The following SZT2 variants were observed in gnomAD, a reference collection of about 807,000 sequenced individuals.
SZT2 encodes KICSTOR complex protein SZT2.
Under a neutral mutation model 404.2 loss-of-function variants are expected in SZT2, and 216 were observed. The observed-to-expected ratio is 0.53, with a 90% CI of 0.48 to 0.60. SZT2 has a LOEUF of 0.60. Among genes scored for constraint, SZT2 ranks in the 20% least tolerant of loss-of-function variants. SZT2 has a pLI of 0.00. For synonymous variants in SZT2, 1,693 were observed against 1,749.9 expected (o/e 0.97, Z 0.81); for missense variants, 3,857 against 4,459.2 (o/e 0.86, Z 3.85).
At position 43,427,581 on chromosome 1, in the gene SZT2, A is replaced by G. The variant is rs758316487; in HGVS notation, c.3650A>G (p.Gln1217Arg). The change falls in exon 26 of 72, where the codon CAG (glutamine) becomes CGG (arginine). Residue 1217 changes from glutamine to arginine, a missense_variant. Gln to Arg is a conservative substitution (Grantham distance 43). Around this residue, in one of 7 missense-constraint regions of SZT2, gnomAD observed 1,725 missense variants for 1,881.0 expected, o/e 0.92. Coordinates refer to ENST00000634258, the MANE Select transcript of SZT2 (RefSeq NM_001365999.1). The stretch of plus-strand genomic sequence containing the variant: ...AGTCCACCATTCCGTCGAGACTTAC[A>G]GGCTTACGCTGGGCGTCAGGCTTCC... ...ELSPPFRRDLQAYAGRQASQT... is the reference protein window; with the variant it reads ...ELSPPFRRDLRAYAGRQASQT... 11 of 1,614,246 alleles carry G rather than the reference A, an allele frequency of 6.8e-6. No homozygotes were observed. The highest frequency in any genetic ancestry group is 9.3e-6 in the Non-Finnish European group (11 of 1,180,042).
rs142245402 is a variant in SZT2, at chr1:43,430,347, A to G, written c.4438A>G (p.Ser1480Gly). 2.1e-5 allele frequency: 34 copies of G among 1,610,350 alleles called. No individual in the cohort carries two copies. Among genetic ancestry groups the G allele is most frequent in the Non-Finnish European group, 2.7e-5 (32 of 1,179,046 alleles). ...GPRDTVDRKISDLEFSEAELM... is the reference protein window; with the variant it reads ...GPRDTVDRKIGDLEFSEAELM... ...TCGGGACACAGTAGACAGAAAAATC[A>G]GTGACCTGGAGTTTTCAGAGGCTGA... Residue 1480 changes from serine to glycine, a missense_variant, in exon 31 of 72, where the codon AGT (serine) becomes GGT (glycine). Ser to Gly is a moderately conservative substitution (Grantham distance 56, BLOSUM62 0). Transcript: ENST00000634258.
chr1:43,398,539 CAT>C (rs1432259901), intron 1 of SZT2, among the ~76,000 whole-genome samples: 1 of 152,194 alleles, frequency 6.6e-6, no homozygotes, highest in Non-Finnish European at 1.5e-5. Context: ...ATAGTCAACA[CAT>C]AATATCCCAC....
rs764167681 is a variant in SZT2, at chr1:43,447,959, G to A, written c.9551G>A (p.Arg3184Gln). 5.0e-6 allele frequency: 8 copies of A among 1,613,786 alleles called. No individual in the cohort carries two copies. The highest frequency in any genetic ancestry group is 1.3e-5 in the African/African-American group (1 of 74,832). ...TTTGAGGAGCAAGGAGAGGCTGAGC[G>A]GCACGTTCTGCGGTCAGCAGATCCC... ...APFEEQGEAERHVLRLQFFVV... is the reference protein window; with the variant it reads ...APFEEQGEAEQHVLRLQFFVV... The change falls in exon 68 of 72, where the codon CGG (arginine) becomes CAG (glutamine). Residue 3184 changes from arginine to glutamine, a missense_variant. By Grantham distance (43) the Arg-to-Gln change is conservative (BLOSUM62 1). Coordinates refer to ENST00000634258, the MANE Select transcript of SZT2 (RefSeq NM_001365999.1).
chr1:43,427,243 C>A, intron 24 of SZT2, 38 bp from the exon 25 acceptor site: 1 of 1,604,498 alleles, frequency 6.2e-7, no homozygotes, highest in African/African-American at 1.3e-5. Flanking sequence ...CCTCACTGGC[C>A]CACCAGGCAG....
In SZT2 at chr1:43,437,001, C is replaced by T; in HGVS notation, c.6035-170C>T. On this transcript the variant is annotated intron_variant, in intron 42 of 71. Transcript: ENST00000634258. The surrounding 1 kb of genome is among the most constrained non-coding windows in gnomAD (Gnocchi z 5.3). ...GCTATATGACCTGTGTTCCTAAGGG[C>T]ATGCATCTGCCTGGCCCTGTCGTGT... 1.3e-6 allele frequency: 1 copy of T among 778,546 alleles called. No individual in the cohort carries two copies. Among genetic ancestry groups the T allele is most frequent in the South Asian group, 1.8e-5 (1 of 56,290 alleles). 48.2% of individuals were successfully genotyped at this position (778,546 alleles called of 1,614,324 possible).
At chr1:43,440,938 T>C (rs1363386716) in intron 52 of SZT2, among the ~76,000 whole-genome samples, 2 of 152,246 alleles carry the variant, frequency 1.3e-5, no homozygotes, top group Non-Finnish European at 2.9e-5. Flanking sequence ...TTCTCACTGA[T>C]GTAGAGGGAG....
Position 43,451,323 on chromosome 1 carries a change from G to A in SZT2, c.*843G>A, listed in dbSNP as rs1168667927. On this transcript the variant is annotated 3_prime_UTR_variant, in exon 72 of 72. Coordinates refer to ENST00000634258, the MANE Select transcript of SZT2 (RefSeq NM_001365999.1). ...CTCTACTGTGTCTCCTGCAGGGAGA[G>A]GGAGGCCTCGGCACCTCAGCCCACA... The A allele has an allele frequency of 6.2e-7, 1 of 1,613,392 alleles. No individual in the cohort carries two copies. Among genetic ancestry groups the A allele is most frequent in the Admixed American group, 1.7e-5 (1 of 60,022 alleles).
intron 62 of SZT2, chr1:43,445,498 CAATCA>C: frequency 3.6e-6 from 1 of 275,586 alleles, no homozygotes; most frequent in Non-Finnish European, 7.1e-6. Context: ...CCATCCCCCC[CAATCA>C]AAAGACAGCA....
chr1:43,435,450 G>C, intron 42 of SZT2, 121 bp downstream of exon 42: 1 of 1,129,488 alleles, frequency 8.9e-7, no homozygotes, highest in Non-Finnish European at 1.2e-6. Context: ...CCAAGTACTA[G>C]AGAGAGAGCA....
chr1:43,392,975 C>T lies in SZT2; in HGVS notation c.27+2980C>T, dbSNP rs563311854. Among the ~76,000 whole-genome samples, 14 of 152,174 alleles carry T rather than the reference C, an allele frequency of 9.2e-5. No homozygotes were observed. The South Asian group carries it at 2.5e-3, about 27-fold the overall frequency. On this transcript the variant is annotated intron_variant, in intron 1 of 71. Transcript: ENST00000634258. ...TACAGAGCCGTGTAAGACAGACATG[C>T]TCTCTATCTTTATGGAGTAAACAAG...
intron 14 of SZT2, 104 bp downstream of exon 14, chr1:43,422,987 C>T: frequency 1.3e-6 from 2 of 1,497,590 alleles, no homozygotes; most frequent in Non-Finnish European, 9.0e-7. Context: ...GAGGAGCCCC[C>T]AGACCAAGGA....
In SZT2 at chr1:43,442,052, T is replaced by G; in HGVS notation, c.7795T>G (p.Ser2599Ala). 1 of 1,613,768 alleles carries G rather than the reference T, an allele frequency of 6.2e-7. No homozygotes were observed. The highest frequency in any genetic ancestry group is 1.3e-5 in the African/African-American group (1 of 74,942). ...GPCSPGQLGP[S>A]PRPAAERHLL... ...TTGTTCCCCTGGGCAACTGGGCCCCTCTCCCCGCCCTGCAGCTGAGCGGCA... is the reference window on the plus strand; with the variant it reads ...TTGTTCCCCTGGGCAACTGGGCCCCGCTCCCCGCCCTGCAGCTGAGCGGCA... Residue 2599 changes from serine to alanine, a missense_variant, in exon 56 of 72, where the codon TCT becomes GCT. Coordinates refer to ENST00000634258, the MANE Select transcript of SZT2 (RefSeq NM_001365999.1). The surrounding 1 kb of genome is among the most constrained non-coding windows in gnomAD (Gnocchi z 4.5).
Position 43,443,631 on chromosome 1 carries a change from G to A in SZT2, c.8660G>A (p.Arg2887Gln), listed in dbSNP as rs141085666. 6.2e-6 allele frequency: 10 copies of A among 1,614,046 alleles called. No homozygotes were observed. Among genetic ancestry groups the A allele is most frequent in the African/African-American group, 2.7e-5 (2 of 74,938 alleles). Residue 2887 changes from arginine to glutamine, a missense_variant, in exon 62 of 72, where the codon CGA becomes CAA. Transcript: ENST00000634258. The part of the protein sequence containing the change: ...RHRPESGSGS[R>Q]EAPTSCESLD... ...CGCCCTGAGTCAGGGTCTGGGAGCC[G>A]AGAGGCCCCCACAAGCTGTGAATCC... is the stretch of plus-strand genomic sequence containing the variant.
chr1:43,403,570 C>G (rs1426783086), intron 2 of SZT2, 31 bp from the exon 3 acceptor site: 13 of 1,602,414 alleles, frequency 8.1e-6, no homozygotes, highest in Non-Finnish European at 1.0e-5. Context: ...CTTCGCTGAT[C>G]CTTTCCTTTT....
rs768399373 is a variant in SZT2 at position 43,428,095 on chromosome 1, A to G, written c.3896A>G (p.His1299Arg). ...AACCACTGTGCCCTGCTGCAGGAGC[A>G]TGCACAGCGGTGCTATGTCCGTGGT... Reference protein sequence around the residue: ...AANHCALLQEHAQRCYVRGLF... With the variant: ...AANHCALLQERAQRCYVRGLF... Residue 1299 changes from histidine (H) to arginine (R), a missense_variant, in exon 27 of 72, where the codon CAT becomes CGT. Around this residue, in one of 7 missense-constraint regions of SZT2, gnomAD observed 1,725 missense variants for 1,881.0 expected, o/e 0.92. Coordinates refer to ENST00000634258, the MANE Select transcript of SZT2 (RefSeq NM_001365999.1). 6.2e-7 allele frequency: 1 copy of G among 1,614,140 alleles called. No individual in the cohort carries two copies. Among genetic ancestry groups the G allele is most frequent in the South Asian group, 1.1e-5 (1 of 91,074 alleles).
chr1:43,413,622 T>TA (rs1172015229), intron 4 of SZT2, among the ~76,000 whole-genome samples: 3 of 152,084 alleles, frequency 2.0e-5, no homozygotes, highest in African/African-American at 7.3e-5. Context: ...TATTCAGCCA[T>TA]AAAAAAGAAT....
At position 43,450,469 on chromosome 1, in the gene SZT2, C is replaced by A; in HGVS notation, c.10288C>A (p.Arg3430Ser). ...INTACFTLWT[R>S]LL Reference sequence around the variant, plus strand: ...CACAGCCTGTTTCACCCTCTGGACCCGCCTCCTCTGAGGGAGTGGACTGGA... The same window carrying A: ...CACAGCCTGTTTCACCCTCTGGACCAGCCTCCTCTGAGGGAGTGGACTGGA... The change falls in exon 72 of 72, where the codon CGC becomes AGC. Residue 3430 changes from arginine to serine, a missense_variant. By Grantham distance (110) the Arg-to-Ser change is moderately radical. Around this residue, in one of 7 missense-constraint regions of SZT2, gnomAD observed 717 missense variants for 868.2 expected, o/e 0.83. Transcript: ENST00000634258. This position sits in a 1 kb window ranked among gnomAD's most constrained non-coding sequence, Gnocchi z 4.3. 1 of 1,614,114 alleles carries A rather than the reference C, an allele frequency of 6.2e-7. No homozygotes were observed. Among genetic ancestry groups the A allele is most frequent in the Non-Finnish European group, 8.5e-7 (1 of 1,180,000 alleles).
rs375073962 is a variant in SZT2, at chr1:43,451,769, C to A, written c.*1289C>A. ...GACCCCGCAGGCCCCGCCCTCCTTCCGATCTGCGAAGTACCCCCTTCCACT... is the reference window on the plus strand; with the variant it reads ...GACCCCGCAGGCCCCGCCCTCCTTCAGATCTGCGAAGTACCCCCTTCCACT... On this transcript the variant is annotated 3_prime_UTR_variant, in exon 72 of 72. Coordinates refer to ENST00000634258, the MANE Select transcript of SZT2 (RefSeq NM_001365999.1). 6.2e-7 allele frequency: 1 copy of A among 1,613,942 alleles called. No homozygotes were observed. Among genetic ancestry groups the A allele is most frequent in the Non-Finnish European group, 8.5e-7 (1 of 1,179,860 alleles).
At chr1:43,421,146 T>C in intron 10 of SZT2, 28 bp from the exon 11 acceptor site, 3 of 1,597,864 alleles carry the variant, frequency 1.9e-6, no homozygotes, top group Non-Finnish European at 2.5e-6. Context: ...GAGTCAGATA[T>C]GGCTCAGGCC....
Sources: allele counts gnomAD v4.1 joint callset (sites outside exome capture counted in the v4.1 genomes callset), GRCh38; gene constraint gnomAD v4.1.1; regional missense constraint gnomAD v4.1.1; non-coding constraint Gnocchi (gnomAD v3.1); transcripts MANE v1.5; gene names NCBI Gene and HGNC (gene_info 2026-07-23, HGNC 2026-07-21).